ATF2: variants seen among roughly 807,000 people sequenced by gnomAD.
ATF2 encodes cyclic AMP-dependent transcription factor ATF-2.
A neutral mutation model predicts 60.6 loss-of-function variants in ATF2; 24 were observed. That is an observed-to-expected ratio of 0.40 (90% CI 0.29 to 0.56). The LOEUF is 0.56. Among genes scored for constraint, ATF2 ranks in the 20% least tolerant of loss-of-function variants. The pLI, the probability that ATF2 is intolerant of heterozygous loss-of-function variation, is 0.54. For synonymous variants in ATF2, 206 were observed against 215.4 expected (o/e 0.96, Z 0.38); for missense variants, 433 against 607.7 (o/e 0.71, Z 3.02).
intron 12 of ATF2, among the ~76,000 whole-genome samples, chr2:175,083,133 T>C (rs1012800745): frequency 6.6e-6 from 1 of 151,616 alleles, no homozygotes; most frequent in African/African-American, 2.4e-5. Context: ...CTTCACAGAA[T>C]TGGAAAAAAC....
chr2:175,082,319 T>TA lies in ATF2; in HGVS notation c.1186-1555dup, dbSNP rs1291510698. Among the ~76,000 whole-genome samples the TA allele has an allele frequency of 5.9e-5, 9 of 152,272 alleles. No individual in the cohort carries two copies. In the East Asian group the frequency reaches 1.7e-3, roughly 29 times the overall value. ...ATTTGAGGCAAGAATGGGTAGATAG[T>TA]AATCAAAGTACAAAAGGTAAAATTT... On this transcript the variant is annotated intron_variant, in intron 12 of 13. Coordinates refer to ENST00000264110, the MANE Select transcript of ATF2 (RefSeq NM_001880.4).
intron 1 of ATF2, among the ~76,000 whole-genome samples, chr2:175,164,646 A>C (rs926173082): frequency 6.6e-6 from 1 of 152,232 alleles, no homozygotes; most frequent in Non-Finnish European, 1.5e-5. Flanking sequence ...AACCTTGAGA[A>C]ACATAACAAA....
chr2:175,124,569 G>A (rs1368355015), intron 4 of ATF2, among the ~76,000 whole-genome samples: 1 of 151,726 alleles, frequency 6.6e-6, no homozygotes, highest in African/African-American at 2.4e-5. Context: ...AAGTTTTCAA[G>A]CCATTGGGCC....
intron 8 of ATF2, 72 bp downstream of exon 8, chr2:175,114,618 T>C (rs1696423925): frequency 6.5e-7 from 1 of 1,544,440 alleles, no homozygotes; most frequent in South Asian, 1.3e-5. Context: ...AATAATCAAA[T>C]GTCTTAGGAA....
chr2:175,133,743 T>C (rs993830429), intron 3 of ATF2, among the ~76,000 whole-genome samples: 1 of 152,112 alleles, frequency 6.6e-6, no homozygotes, highest in Non-Finnish European at 1.5e-5. Flanking sequence ...CATAAGTTTC[T>C]AGAAGAAAAA....
chr2:175,100,332 C>G (rs1377474709), intron 10 of ATF2, among the ~76,000 whole-genome samples: 1 of 152,152 alleles, frequency 6.6e-6, no homozygotes, highest in Non-Finnish European at 1.5e-5. Flanking sequence ...ACTACTGAGG[C>G]CTCTATTTTC....
intron 1 of ATF2, among the ~76,000 whole-genome samples, chr2:175,159,049 A>G (rs1404753587): frequency 6.6e-6 from 1 of 152,110 alleles, no homozygotes; most frequent in African/African-American, 2.4e-5. Flanking sequence ...CAGGCATGAT[A>G]GCTCAACCCT....
intron 4 of ATF2, among the ~76,000 whole-genome samples, chr2:175,122,851 G>A (rs978005047): frequency 1.3e-5 from 2 of 151,962 alleles, no homozygotes; most frequent in Non-Finnish European, 2.9e-5. Context: ...ATCAATCTGA[G>A]GGGGCTAAAA....
chr2:175,141,084 TACACAC>T (rs150440606), intron 2 of ATF2, among the ~76,000 whole-genome samples: 2 of 133,614 alleles, frequency 1.5e-5, no homozygotes, highest in Admixed American at 1.6e-4. Context: ...TATATATGTA[TACACAC>T]ACACACACAC....
chr2:175,135,190 T>C (rs926420251), intron 3 of ATF2, among the ~76,000 whole-genome samples: 1 of 152,234 alleles, frequency 6.6e-6, no homozygotes. Flanking sequence ...CTATCATCAA[T>C]GTCTGATTTT....
At chr2:175,126,748 T>C (rs1559092508) in intron 4 of ATF2, 1 of 152,166 alleles carries the variant, frequency 6.6e-6, no homozygotes, top group African/African-American at 2.4e-5. Context: ...AGGGCTTTTT[T>C]GAGTCTCCAA....
Position 175,097,432 on chromosome 2 carries a change from C to T in ATF2, c.978+12G>A, listed in dbSNP as rs758727345. On this transcript the variant is annotated intron_variant, in intron 11 of 13. Transcript: ENST00000264110. ...ATGACAGAGTGCTGAATAATAAAAA[C>T]AACACACATACCGGAGTTTCTGTAG... 42 of 1,612,720 alleles carry T rather than the reference C, an allele frequency of 2.6e-5. No homozygotes were observed. The South Asian group carries it at 4.3e-4, about 16-fold the overall frequency.
intron 8 of ATF2, 37 bp downstream of exon 8, chr2:175,114,653 T>A: frequency 6.3e-7 from 1 of 1,583,642 alleles, no homozygotes; most frequent in African/African-American, 1.3e-5. Flanking sequence ...CAAACTTAAT[T>A]CATGTATATG....
intron 8 of ATF2, 111 bp downstream of exon 8, chr2:175,114,579 C>A: frequency 6.7e-7 from 1 of 1,490,936 alleles, no homozygotes; most frequent in South Asian, 1.5e-5. Flanking sequence ...GAAGCATGCA[C>A]ACACATACAA....
Position 175,141,525 on chromosome 2 carries a change from C to T in ATF2, c.-43-5039G>A, listed in dbSNP as rs186204448. On this transcript the variant is annotated intron_variant, in intron 2 of 13. Coordinates refer to ENST00000264110, the MANE Select transcript of ATF2 (RefSeq NM_001880.4). ...TTTTTCTTTTCGGGACGGAGTCTCGCTCTGTCGTCCAGGCTGGAGTGCAGT... is the reference window on the plus strand; with the variant it reads ...TTTTTCTTTTCGGGACGGAGTCTCGTTCTGTCGTCCAGGCTGGAGTGCAGT... Among the ~76,000 whole-genome samples the T allele has an allele frequency of 4.0e-3, 602 of 152,232 alleles. 1 individual carries two copies. The highest frequency in any genetic ancestry group is 5.6e-3 in the South Asian group (27 of 4,822).
chr2:175,112,389 T>A (rs1230765791), intron 9 of ATF2, among the ~76,000 whole-genome samples: 1 of 148,764 alleles, frequency 6.7e-6, no homozygotes, highest in African/African-American at 2.5e-5. Context: ...TTGAACAAAG[T>A]TCTTTTTAAA....
intron 13 of ATF2, among the ~76,000 whole-genome samples, chr2:175,079,910 T>C (rs1358099812): frequency 1.3e-5 from 2 of 152,180 alleles, no homozygotes; most frequent in Non-Finnish European, 2.9e-5. Context: ...TTCCCAACTC[T>C]GTTGTTTGTT....
At chr2:175,159,689 T>C (rs886983538) in intron 1 of ATF2, among the ~76,000 whole-genome samples, 1 of 152,236 alleles carries the variant, frequency 6.6e-6, no homozygotes, top group Non-Finnish European at 1.5e-5. Flanking sequence ...ATTTTTAAAT[T>C]AAATATTTTT....
At chr2:175,159,277 C>T (rs926296556) in intron 1 of ATF2, among the ~76,000 whole-genome samples, 11 of 151,910 alleles carry the variant, frequency 7.2e-5, no homozygotes, top group African/African-American at 2.4e-4. Flanking sequence ...TGAGAACCTA[C>T]CACTGTACTC....
Sources: allele counts gnomAD v4.1 joint callset (sites outside exome capture counted in the v4.1 genomes callset), GRCh38; gene constraint gnomAD v4.1.1; transcripts MANE v1.5; gene names NCBI Gene and HGNC (gene_info 2026-07-23, HGNC 2026-07-21).